REEP3: variants seen among roughly 807,000 people sequenced by gnomAD.
The protein encoded by REEP3 is receptor accessory protein 3, also known as receptor expression-enhancing protein 3.
A neutral mutation model predicts 41.3 loss-of-function variants in REEP3; 20 were observed. The observed-to-expected ratio is 0.48, with a 90% CI of 0.34 to 0.70. REEP3 has a LOEUF of 0.70. REEP3 is among the 30% of genes least tolerant of loss of function. REEP3 has a pLI of 0.01. For missense variants in REEP3, 271 were observed against 308.8 expected (o/e 0.88, Z 0.92); for synonymous variants, 104 against 101.8 (o/e 1.02, Z -0.13).
intron 1 of REEP3, among the ~76,000 whole-genome samples, chr10:63,553,898 C>A (rs768980981): frequency 2.6e-5 from 4 of 151,986 alleles, no homozygotes; most frequent in Non-Finnish European, 5.9e-5. Context: ...GTCAGGAGAT[C>A]GAGACCATCC....
rs1164001275 is a variant in REEP3 at position 63,623,638 on chromosome 10, A to C, written c.*2769A>C. The stretch of plus-strand genomic sequence containing the variant: ...TAAGAATTGACCCATTCGTTAGTTT[A>C]CCATATTTTTTCCTGGTATAAAAAG... On this transcript the variant is annotated 3_prime_UTR_variant, in exon 8 of 8. Coordinates refer to ENST00000373758, the MANE Select transcript of REEP3 (RefSeq NM_001001330.3). 1 of 152,294 alleles carries C rather than the reference A, an allele frequency of 6.6e-6. No individual in the cohort carries two copies. Among genetic ancestry groups the C allele is most frequent in the Non-Finnish European group, 1.5e-5 (1 of 68,168 alleles). 9.4% of individuals were successfully genotyped at this position (152,294 alleles called of 1,614,324 possible).
chr10:63,616,284 T>A (rs1956311750), intron 6 of REEP3, among the ~76,000 whole-genome samples: 1 of 151,768 alleles, frequency 6.6e-6, no homozygotes, highest in Non-Finnish European at 1.5e-5. Flanking sequence ...GATTACATTC[T>A]CTTACTGTAT....
intron 1 of REEP3, among the ~76,000 whole-genome samples, chr10:63,524,712 AG>A (rs1955342840): frequency 6.6e-6 from 1 of 152,154 alleles, no homozygotes; most frequent in African/African-American, 2.4e-5. Context: ...GCTAAGTGCT[AG>A]AATTACAGCC....
At chr10:63,564,841 T>C (rs1439475138) in intron 1 of REEP3, among the ~76,000 whole-genome samples, 1 of 152,208 alleles carries the variant, frequency 6.6e-6, no homozygotes, top group African/African-American at 2.4e-5. Flanking sequence ...ACATCAGTGA[T>C]GACAAAGTTT....
chr10:63,620,384 T>C (rs1257422375), intron 7 of REEP3, among the ~76,000 whole-genome samples: 1 of 152,216 alleles, frequency 6.6e-6, no homozygotes, highest in Non-Finnish European at 1.5e-5. Flanking sequence ...CCCAGCCCTA[T>C]GCATAAACAA....
intron 1 of REEP3, among the ~76,000 whole-genome samples, chr10:63,545,901 G>A (rs1955574707): frequency 6.6e-6 from 1 of 152,102 alleles, no homozygotes. Context: ...TAGTCTCGGG[G>A]TAACTTGCAA....
intron 1 of REEP3, among the ~76,000 whole-genome samples, chr10:63,530,765 T>C (rs1955413544): frequency 1.3e-5 from 2 of 152,228 alleles, no homozygotes; most frequent in African/African-American, 4.8e-5. Flanking sequence ...ACTGTTCAAA[T>C]AAATGGTACA....
intron 2 of REEP3, among the ~76,000 whole-genome samples, chr10:63,589,948 C>T (rs576228832): frequency 6.6e-6 from 1 of 151,866 alleles, no homozygotes; most frequent in Non-Finnish European, 1.5e-5. Context: ...ACACGCACTA[C>T]CATGCCCGGC....
At chr10:63,587,806 AAG>A (rs1232438566) in intron 2 of REEP3, among the ~76,000 whole-genome samples, 4 of 152,170 alleles carry the variant, frequency 2.6e-5, no homozygotes, top group Non-Finnish European at 4.4e-5. Flanking sequence ...TCTACCTGCA[AAG>A]AGGGGCTGAG....
rs915755823 is a variant in REEP3 at position 63,610,056 on chromosome 10, A to G, written c.418-131A>G. The stretch of plus-strand genomic sequence containing the variant: ...TGAGAAAGCAGATACCGCAAAATGT[A>G]AACAATATTGGGTGTTCATTGTACA... On this transcript the variant is annotated intron_variant, in intron 5 of 7. Transcript: ENST00000373758. 15 of 700,132 alleles carry G rather than the reference A, an allele frequency of 2.1e-5. No individual in the cohort carries two copies. The African/African-American group carries it at 2.7e-4, about 13-fold the overall frequency. 43.4% of individuals were successfully genotyped at this position (700,132 alleles called of 1,614,324 possible).
intron 2 of REEP3, among the ~76,000 whole-genome samples, chr10:63,586,325 A>G (rs1443357522): frequency 6.6e-6 from 1 of 152,222 alleles, no homozygotes; most frequent in Admixed American, 6.5e-5. Context: ...TCCATGCACT[A>G]TATAAATCAG....
intron 1 of REEP3, among the ~76,000 whole-genome samples, chr10:63,560,861 T>G (rs1402077700): frequency 6.6e-6 from 1 of 152,130 alleles, no homozygotes; most frequent in Non-Finnish European, 1.5e-5. Context: ...TAGACCCCAG[T>G]GTTAAAGAAA....
chr10:63,523,299 G>A (rs1045736929), intron 1 of REEP3, among the ~76,000 whole-genome samples: 5 of 152,232 alleles, frequency 3.3e-5, no homozygotes, highest in African/African-American at 1.2e-4. Flanking sequence ...TATCTGGTTG[G>A]AGAATCAGAA....
chr10:63,537,100 A>G (rs1486107424), intron 1 of REEP3, among the ~76,000 whole-genome samples: 8 of 152,248 alleles, frequency 5.3e-5, no homozygotes, highest in African/African-American at 1.7e-4. Flanking sequence ...ATGAAAAATA[A>G]TAGTTTACGT....
chr10:63,522,140 T>C (rs1955277606), intron 1 of REEP3, among the ~76,000 whole-genome samples: 1 of 152,016 alleles, frequency 6.6e-6, no homozygotes, highest in Middle Eastern at 3.2e-3. Flanking sequence ...GAGAGATTTG[T>C]CTAAAAACCG....
intron 1 of REEP3, among the ~76,000 whole-genome samples, chr10:63,559,560 A>G (rs1202082082): frequency 6.6e-6 from 1 of 152,230 alleles, no homozygotes; most frequent in Non-Finnish European, 1.5e-5. Flanking sequence ...ATCATTAGGA[A>G]GTAGAGATTT....
At chr10:63,548,845 TA>T (rs1219385413) in intron 1 of REEP3, among the ~76,000 whole-genome samples, 1 of 152,210 alleles carries the variant, frequency 6.6e-6, no homozygotes, top group Non-Finnish European at 1.5e-5. Context: ...TACTACTTGA[TA>T]ACATGGTCAA....
chr10:63,543,283 T>C lies in REEP3; in HGVS notation c.32+21706T>C, dbSNP rs115350565. Among the ~76,000 whole-genome samples the C allele has an allele frequency of 2.7e-3, 410 of 152,260 alleles. 3 individuals are homozygous for C. Among genetic ancestry groups the C allele is most frequent in the African/African-American group, 9.2e-3 (382 of 41,542 alleles). On this transcript the variant is annotated intron_variant, in intron 1 of 7. Coordinates refer to ENST00000373758, the MANE Select transcript of REEP3 (RefSeq NM_001001330.3). ...TCATGTTTTAATAACATGGAAAACT[T>C]GTATTGTTTGGAATTATTTATTTAT...
At chr10:63,549,182 T>C (rs1259503243) in intron 1 of REEP3, among the ~76,000 whole-genome samples, 2 of 152,206 alleles carry the variant, frequency 1.3e-5, no homozygotes, top group African/African-American at 4.8e-5. Flanking sequence ...CTAGTGTAGG[T>C]AGTCTAATAG....
Sources: allele counts gnomAD v4.1 joint callset (sites outside exome capture counted in the v4.1 genomes callset), GRCh38; gene constraint gnomAD v4.1.1; transcripts MANE v1.5; gene names NCBI Gene and HGNC (gene_info 2026-07-23, HGNC 2026-07-21).